The following GRIK2 variants were observed in gnomAD, a reference collection of about 807,000 sequenced individuals.
The protein encoded by GRIK2 is glutamate ionotropic receptor kainate type subunit 2.
Under a neutral mutation model 100.3 loss-of-function variants are expected in GRIK2, and 32 were observed. The observed-to-expected ratio is 0.32, with a 90% CI of 0.24 to 0.43. GRIK2 has a LOEUF of 0.43. GRIK2 is among the 20% of genes least tolerant of loss of function. The pLI, the probability that GRIK2 is intolerant of heterozygous loss-of-function variation, is 1.00. For synonymous variants in GRIK2, 417 were observed against 389.4 expected, an observed-to-expected ratio of 1.07 and a Z score of -0.83; for missense variants, 843 against 1,114.9, an observed-to-expected ratio of 0.76 and a Z score of 3.47.
intron 7 of GRIK2, among the ~76,000 whole-genome samples, chr6:101,736,334 C>T (rs1025576639): frequency 6.6e-6 from 1 of 152,182 alleles, no homozygotes; most frequent in Non-Finnish European, 1.5e-5. Context: ...TGTGGATGTT[C>T]CGACCCAACA....
At chr6:101,893,067 C>T (rs186000238) in intron 12 of GRIK2, among the ~76,000 whole-genome samples, 6 of 151,166 alleles carry the variant, frequency 4.0e-5, no homozygotes, top group African/African-American at 1.4e-4. Context: ...ATTTAATTGC[C>T]TTTGTAATTT....
chr6:101,963,265 ATACTTATT>A (rs1397957475), intron 14 of GRIK2, among the ~76,000 whole-genome samples: 1 of 68,820 alleles, frequency 1.5e-5, no homozygotes, highest in African/African-American at 5.0e-5. Flanking sequence ...TTTCATATTT[ATACTTATT>A]TAGGATTTTT....
intron 9 of GRIK2, among the ~76,000 whole-genome samples, chr6:101,807,426 A>C (rs1048961060): frequency 6.6e-6 from 1 of 152,014 alleles, no homozygotes; most frequent in African/African-American, 2.4e-5. Context: ...CTTACAAGTT[A>C]CAGTATGGAA....
Position 102,061,925 on chromosome 6 carries a change from C to T in GRIK2, c.2562+6345C>T, listed in dbSNP as rs9498830. ...TTTGGATGTAACTCTTAAAAAAAAT[C>T]GTATCATTATGACTACTAGCAAAAA... On this transcript the variant is annotated intron_variant, in intron 16 of 16. Coordinates refer to ENST00000369134, the MANE Select transcript of GRIK2 (RefSeq NM_021956.5). Among the ~76,000 whole-genome samples the T allele has an allele frequency of 5.9e-3, 884 of 150,076 alleles. 11 individuals are homozygous for T. The highest frequency in any genetic ancestry group is 0.02 in the African/African-American group (836 of 41,288).
At chr6:101,400,684 C>G (rs987367995) in intron 2 of GRIK2, among the ~76,000 whole-genome samples, 1 of 152,100 alleles carries the variant, frequency 6.6e-6, no homozygotes, top group Non-Finnish European at 1.5e-5. Context: ...TTTTATCCCC[C>G]CAATGATAAA....
chr6:101,820,601 T>G (rs1781896924), intron 10 of GRIK2, among the ~76,000 whole-genome samples: 1 of 152,056 alleles, frequency 6.6e-6, no homozygotes, highest in Non-Finnish European at 1.5e-5. Context: ...GCGCTACCAC[T>G]CCTAGCTAAT....
At chr6:101,852,271 C>T (rs1207136772) in intron 10 of GRIK2, among the ~76,000 whole-genome samples, 2 of 151,998 alleles carry the variant, frequency 1.3e-5, no homozygotes, top group African/African-American at 4.8e-5. Context: ...TTTACTATAC[C>T]TACATGCTTT....
At chr6:101,915,960 G>A (rs951729223) in intron 12 of GRIK2, among the ~76,000 whole-genome samples, 4 of 151,194 alleles carry the variant, frequency 2.6e-5, no homozygotes, top group Non-Finnish European at 5.9e-5. Context: ...AATTGCTGGG[G>A]CTCTTGCTTT....
intron 12 of GRIK2, among the ~76,000 whole-genome samples, chr6:101,890,658 A>G (rs543091955): frequency 2.0e-5 from 3 of 152,026 alleles, no homozygotes; most frequent in African/African-American, 7.2e-5. Flanking sequence ...ATACAGATCA[A>G]TCTATGTTGA....
chr6:101,975,740 C>T (rs1793321967), intron 14 of GRIK2, among the ~76,000 whole-genome samples: 1 of 151,336 alleles, frequency 6.6e-6, no homozygotes, highest in African/African-American at 2.4e-5. Context: ...AGTTTTTAGG[C>T]CATTTATTTG....
intron 7 of GRIK2, among the ~76,000 whole-genome samples, chr6:101,742,314 C>T (rs1287508573): frequency 1.3e-5 from 2 of 151,980 alleles, no homozygotes; most frequent in East Asian, 3.9e-4. Flanking sequence ...AAATCTGCCT[C>T]CTGAAGATGT....
intron 14 of GRIK2, among the ~76,000 whole-genome samples, chr6:102,022,966 T>A (rs1769508876): frequency 6.6e-6 from 1 of 151,616 alleles, no homozygotes; most frequent in Admixed American, 6.6e-5. Context: ...AATCATCCTG[T>A]CTCAGTGTAG....
intron 16 of GRIK2, among the ~76,000 whole-genome samples, chr6:102,063,474 A>G (rs752304317): frequency 6.6e-6 from 1 of 150,810 alleles, no homozygotes; most frequent in African/African-American, 2.4e-5. Flanking sequence ...TTTTTCAAAA[A>G]TAAGTATATT....
At chr6:101,925,468 A>G (rs1789827140) in intron 13 of GRIK2, among the ~76,000 whole-genome samples, 1 of 151,080 alleles carries the variant, frequency 6.6e-6, no homozygotes, top group African/African-American at 2.4e-5. Flanking sequence ...TTCTTTTATT[A>G]ATCTTTTCAC....
chr6:101,649,263 A>G (rs758324306), intron 4 of GRIK2, among the ~76,000 whole-genome samples: 3 of 152,146 alleles, frequency 2.0e-5, no homozygotes, highest in Non-Finnish European at 2.9e-5. Flanking sequence ...AGAAACTGTG[A>G]TAGCATATTT....
intron 14 of GRIK2, among the ~76,000 whole-genome samples, chr6:102,015,603 G>A (rs745593405): frequency 6.6e-6 from 1 of 152,138 alleles, no homozygotes; most frequent in Non-Finnish European, 1.5e-5. Flanking sequence ...ACAGAGGCCA[G>A]CACCCTGGCA....
At chr6:101,621,883 T>C in intron 2 of GRIK2, 66 bp from the exon 3 acceptor site, 1 of 1,121,820 alleles carries the variant, frequency 8.9e-7, no homozygotes, top group Non-Finnish European at 1.3e-6. Context: ...TCTGATATTT[T>C]CTTTATCTTG....
At chr6:101,794,007 T>C (rs780593176) in intron 7 of GRIK2, among the ~76,000 whole-genome samples, 1 of 152,150 alleles carries the variant, frequency 6.6e-6, no homozygotes, top group African/African-American at 2.4e-5. Flanking sequence ...CGTAGGACCC[T>C]CCGAGCCAGG....
chr6:101,597,422 C>T (rs1394449459), intron 2 of GRIK2, among the ~76,000 whole-genome samples: 2 of 151,320 alleles, frequency 1.3e-5, no homozygotes, highest in Non-Finnish European at 3.0e-5. Flanking sequence ...TAAATAAATC[C>T]CTATCTGAAC....
Sources: gnomAD v4.1 joint callset for allele counts (sites outside exome capture counted in the v4.1 genomes callset) on GRCh38, gnomAD v4.1.1 for gene constraint, MANE v1.5 for transcripts, NCBI Gene and HGNC (gene_info 2026-07-23, HGNC 2026-07-21) for gene names.